The following ZNF827 variants were observed in gnomAD, a reference collection of about 807,000 sequenced individuals.
The protein encoded by ZNF827 is zinc finger protein 827.
Under a neutral mutation model 102.4 loss-of-function variants are expected in ZNF827, and 13 were observed. The ratio of observed to expected loss-of-function variants is 0.13; its 90% CI spans 0.08 to 0.20. The LOEUF is 0.20. Ranked by LOEUF, ZNF827 falls within the 10% of genes least tolerant of loss-of-function variation. ZNF827 has a pLI of 1.00. For missense variants in ZNF827, 1,103 were observed against 1,344.4 expected, an observed-to-expected ratio of 0.82 and a Z score of 2.81; for synonymous variants, 523 against 536.2, an observed-to-expected ratio of 0.98 and a Z score of 0.34.
At chr4:145,873,738 C>T (rs1748909572) in intron 4 of ZNF827, among the ~76,000 whole-genome samples, 2 of 152,300 alleles carry the variant, frequency 1.3e-5, no homozygotes, top group South Asian at 4.1e-4. Context: ...CATTTCTCCC[C>T]TTTGCACCTT....
intron 7 of ZNF827, among the ~76,000 whole-genome samples, chr4:145,841,722 C>T (rs909691551): frequency 6.6e-6 from 1 of 152,106 alleles, no homozygotes; most frequent in Non-Finnish European, 1.5e-5. Flanking sequence ...TGGGAAGTGC[C>T]CCGATGAGGA....
At chr4:145,796,438 GACCTT>G (rs1369993669) in intron 8 of ZNF827, among the ~76,000 whole-genome samples, 4 of 152,222 alleles carry the variant, frequency 2.6e-5, no homozygotes, top group South Asian at 2.1e-4. Context: ...GTGGAAGGGA[GACCTT>G]ATCTGGTCAC....
chr4:145,913,864 T>C (rs985574779), intron 1 of ZNF827, among the ~76,000 whole-genome samples: 1 of 152,204 alleles, frequency 6.6e-6, no homozygotes, highest in Non-Finnish European at 1.5e-5. Context: ...TCTTAGAAGA[T>C]CAGTAATAAA....
At chr4:145,813,621 T>C (rs1742272458) in intron 8 of ZNF827, among the ~76,000 whole-genome samples, 1 of 152,184 alleles carries the variant, frequency 6.6e-6, no homozygotes, top group East Asian at 1.9e-4. Flanking sequence ...TGCAAGTGGA[T>C]CCATTTTAAC....
At chr4:145,894,696 G>A (rs903427357) in intron 2 of ZNF827, among the ~76,000 whole-genome samples, 1 of 152,118 alleles carries the variant, frequency 6.6e-6, no homozygotes, top group Admixed American at 6.5e-5. Flanking sequence ...TTTAATTGGG[G>A]GAGTAACAGG....
At chr4:145,926,750 T>C (rs1753458250) in intron 1 of ZNF827, among the ~76,000 whole-genome samples, 1 of 152,176 alleles carries the variant, frequency 6.6e-6, no homozygotes, top group Non-Finnish European at 1.5e-5. Context: ...TAATAGTTAA[T>C]ATTTGTGTTT....
intron 2 of ZNF827, among the ~76,000 whole-genome samples, chr4:145,892,862 A>T (rs2126852322): frequency 6.6e-6 from 1 of 152,334 alleles, no homozygotes; most frequent in East Asian, 1.9e-4. Context: ...ATAAAAACAA[A>T]TCACATGGGA....
intron 5 of ZNF827, among the ~76,000 whole-genome samples, chr4:145,856,379 A>G (rs1259548061): frequency 1.3e-5 from 2 of 152,176 alleles, no homozygotes; most frequent in African/African-American, 4.8e-5. Flanking sequence ...ATTCATTTTT[A>G]TCTACAGTGT....
chr4:145,862,900 C>A (rs1747867189), intron 5 of ZNF827, among the ~76,000 whole-genome samples: 1 of 151,968 alleles, frequency 6.6e-6, no homozygotes, highest in Non-Finnish European at 1.5e-5. Flanking sequence ...ATAAAATGGA[C>A]CTCATCAAAA....
intron 1 of ZNF827, among the ~76,000 whole-genome samples, chr4:145,909,705 A>T (rs1403539880): frequency 6.6e-6 from 1 of 152,230 alleles, no homozygotes; most frequent in African/African-American, 2.4e-5. Flanking sequence ...CTTCTGCCGC[A>T]TATCAGGCTG....
intron 1 of ZNF827, among the ~76,000 whole-genome samples, chr4:145,904,716 G>A (rs188193533): frequency 8.7e-5 from 13 of 149,996 alleles, no homozygotes; most frequent in South Asian, 4.2e-4. Context: ...GTGTATGCAC[G>A]TGTGTGTGTG....
At chr4:145,842,288 G>C (rs1420360008) in intron 7 of ZNF827, among the ~76,000 whole-genome samples, 2 of 152,202 alleles carry the variant, frequency 1.3e-5, no homozygotes, top group African/African-American at 4.8e-5. Context: ...ACAAGGGGCA[G>C]AGCTGCCACT....
chr4:145,932,619 C>A (rs892116856), intron 1 of ZNF827, among the ~76,000 whole-genome samples: 1 of 152,102 alleles, frequency 6.6e-6, no homozygotes, highest in Non-Finnish European at 1.5e-5. Context: ...GGACCTCAGG[C>A]GCCCGCCACC....
chr4:145,769,218 G>C (rs1735874370), intron 11 of ZNF827, among the ~76,000 whole-genome samples: 1 of 151,622 alleles, frequency 6.6e-6, no homozygotes, highest in Non-Finnish European at 1.5e-5. Context: ...TGACCATGAG[G>C]AGCAATGGTA....
In ZNF827 at chr4:145,790,304, A is replaced by G. The variant is rs536883662; in HGVS notation, c.2384-10793T>C. 2.0e-5 allele frequency among the ~76,000 whole-genome samples: 3 copies of G among 152,312 alleles called. No individual in the cohort carries two copies. The East Asian group carries it at 5.8e-4, about 29-fold the overall frequency. On this transcript the variant is annotated intron_variant, in intron 8 of 14. Coordinates refer to ENST00000508784, the MANE Select transcript of ZNF827 (RefSeq NM_001306215.2). ...TGTCATTGAACTAGGTTTTCAATAT[A>G]TATTAATACTTACTGAATAAGTGAG...
chr4:145,825,455 G>T (rs1274155708), intron 7 of ZNF827, among the ~76,000 whole-genome samples: 1 of 152,228 alleles, frequency 6.6e-6, no homozygotes, highest in East Asian at 1.9e-4. Flanking sequence ...TGGGGGACTT[G>T]CAGAAGACAA....
intron 11 of ZNF827, among the ~76,000 whole-genome samples, chr4:145,768,916 T>TATATATATATATAAAAAA (rs34051922): frequency 2.9e-5 from 1 of 34,428 alleles, no homozygotes; most frequent in East Asian, 1.4e-3. Context: ...TATATATATA[T>TATATATATATATAAAAAA]TAGGTATACA....
At chr4:145,787,007 T>A (rs1177768207) in intron 8 of ZNF827, among the ~76,000 whole-genome samples, 2 of 152,160 alleles carry the variant, frequency 1.3e-5, no homozygotes, top group Non-Finnish European at 2.9e-5. Context: ...ATGCCAGAAG[T>A]GTTGCTCATG....
chr4:145,899,771 T>A lies in ZNF827; in HGVS notation c.1093+2395A>T, dbSNP rs115611340. Among the ~76,000 whole-genome samples the A allele has an allele frequency of 2.5e-3, 384 of 152,302 alleles. 2 individuals carry two copies. The highest frequency in any genetic ancestry group is 7.2e-3 in the African/African-American group (300 of 41,558). On this transcript the variant is annotated intron_variant, in intron 2 of 14. Transcript: ENST00000508784. ...TCAAGTCTTAGACTGAACAGAGGCA[T>A]GTTGAAATGGGAGAGTTGGGGTGGG...
Sources: allele counts gnomAD v4.1 joint callset (sites outside exome capture counted in the v4.1 genomes callset), GRCh38; gene constraint gnomAD v4.1.1; transcripts MANE v1.5; gene names NCBI Gene and HGNC (gene_info 2026-07-23, HGNC 2026-07-21).